Variants in PHF24 observed in about 807,000 individuals in gnomAD.
PHF24 encodes Galpha inhibitory interacting protein.
PHF24 carries 25 observed loss-of-function variants against 42.6 expected under a neutral mutation model. The observed-to-expected ratio is 0.59, with a 90% CI of 0.43 to 0.82. The LOEUF is 0.82. PHF24 is among the 40% of genes least tolerant of loss of function. PHF24 has a pLI of 0.00. For missense variants in PHF24, 470 were observed against 538.1 expected (o/e 0.87, Z 1.25); for synonymous variants, 185 against 204.8 (o/e 0.90, Z 0.83).
the PHF24 span, among the ~76,000 whole-genome samples, chr9:34,753,120 C>A: frequency 6.6e-6 from 1 of 152,244 alleles, no homozygotes; most frequent in South Asian, 2.1e-4. Flanking sequence ...AGATCTGGAA[C>A]ATGACAAAGA....
chr9:34,879,012 C>T, the PHF24 span, among the ~76,000 whole-genome samples: 1 of 152,160 alleles, frequency 6.6e-6, no homozygotes, highest in Non-Finnish European at 1.5e-5. Flanking sequence ...ATGAAGCTTC[C>T]AGAGGAAGGA....
chr9:34,780,855 A>T, the PHF24 span, among the ~76,000 whole-genome samples: 1 of 152,242 alleles, frequency 6.6e-6, no homozygotes, highest in African/African-American at 2.4e-5. Context: ...ACATGAAAAG[A>T]TGCTCAACAT....
At chr9:34,904,199 T>G in the PHF24 span, among the ~76,000 whole-genome samples, 3 of 152,200 alleles carry the variant, frequency 2.0e-5, no homozygotes, top group African/African-American at 7.2e-5. Flanking sequence ...TCTTTACTGA[T>G]TTGGATGCCC....
the PHF24 span, chr9:34,678,086 A>G: frequency 6.6e-6 from 1 of 152,156 alleles, no homozygotes; most frequent in East Asian, 1.9e-4. Flanking sequence ...GCTGCCGGCA[A>G]TATGTGCAGG....
chr9:34,716,326 A>T, the PHF24 span, among the ~76,000 whole-genome samples: 68 of 152,324 alleles, frequency 4.5e-4, no homozygotes, highest in African/African-American at 1.5e-3. Flanking sequence ...GGCTGGAATC[A>T]TGGTGATGTT....
At chr9:34,938,934 C>CAAAAAA in the PHF24 span, among the ~76,000 whole-genome samples, 1 of 63,422 alleles carries the variant, frequency 1.6e-5, no homozygotes, top group Admixed American at 2.0e-4. Flanking sequence ...GAGACTCCAT[C>CAAAAAA]AAAAAAAAAA....
At chr9:34,734,573 G>A in the PHF24 span, among the ~76,000 whole-genome samples, 1 of 152,160 alleles carries the variant, frequency 6.6e-6, no homozygotes, top group Non-Finnish European at 1.5e-5. Flanking sequence ...AAGTCCTGTC[G>A]TGAGGCCATA....
At chr9:34,729,106 A>C in the PHF24 span, among the ~76,000 whole-genome samples, 5 of 152,174 alleles carry the variant, frequency 3.3e-5, no homozygotes, top group African/African-American at 1.2e-4. Flanking sequence ...TTTCAATCAG[A>C]CTATGTTGCG....
At chr9:34,879,097 G>T in the PHF24 span, among the ~76,000 whole-genome samples, 1,995 of 152,306 alleles carry the variant, frequency 0.013, 32 homozygotes, top group South Asian at 0.049. Flanking sequence ...GGCAAACAGG[G>T]TCTGGAGTGG....
the PHF24 span, among the ~76,000 whole-genome samples, chr9:34,770,854 C>G: frequency 3.3e-5 from 5 of 152,052 alleles, no homozygotes; most frequent in African/African-American, 1.2e-4. Context: ...TGGCTCATAC[C>G]TATAATCCCA....
chr9:34,905,585 G>T, the PHF24 span, among the ~76,000 whole-genome samples: 5 of 152,144 alleles, frequency 3.3e-5, no homozygotes, highest in African/African-American at 4.8e-5. Flanking sequence ...GTAAAGGGGA[G>T]ATTATTTTTG....
the PHF24 span, among the ~76,000 whole-genome samples, chr9:34,745,890 T>G: frequency 2.6e-5 from 4 of 152,020 alleles, no homozygotes; most frequent in Non-Finnish European, 5.9e-5. Flanking sequence ...TGAAAGGCAT[T>G]GTAAAACCTC....
the PHF24 span, chr9:34,709,974 T>G: frequency 4.3e-6 from 7 of 1,614,034 alleles, no homozygotes; most frequent in South Asian, 5.5e-5. Flanking sequence ...CTTAGCCCCA[T>G]GCAAGGCCCC....
chr9:34,764,203 C>T, the PHF24 span, among the ~76,000 whole-genome samples: 1 of 152,224 alleles, frequency 6.6e-6, no homozygotes, highest in Non-Finnish European at 1.5e-5. Flanking sequence ...CAGGATGATG[C>T]TGGCCTCATA....
At chr9:34,894,114 G>A in the PHF24 span, among the ~76,000 whole-genome samples, 5 of 152,154 alleles carry the variant, frequency 3.3e-5, no homozygotes, top group African/African-American at 9.7e-5. Flanking sequence ...ACTTCTTTAC[G>A]CAAAATCCAT....
the PHF24 span, among the ~76,000 whole-genome samples, chr9:34,719,545 G>A: frequency 6.6e-6 from 1 of 152,200 alleles, no homozygotes; most frequent in Admixed American, 6.5e-5. Context: ...TCAGAATCCT[G>A]AAGGTATCAG....
chr9:34,979,197 G>C (rs1827308621), exon 8 of PHF24: 1 of 152,300 alleles, frequency 6.6e-6, no homozygotes, highest in Non-Finnish European at 1.5e-5. Flanking sequence ...CTGACAAACA[G>C]GATAAGAGGC....
chr9:34,708,019 C>T, the PHF24 span, among the ~76,000 whole-genome samples: 21 of 152,088 alleles, frequency 1.4e-4, no homozygotes, highest in African/African-American at 4.1e-4. Context: ...CCTGAGCCAC[C>T]GCGCCCGGCC....
chr9:34,959,059 C>G (rs563510336), intron 1 of PHF24, among the ~76,000 whole-genome samples: 55 of 152,216 alleles, frequency 3.6e-4, no homozygotes, highest in Non-Finnish European at 7.5e-4. Flanking sequence ...TCGGATTTTT[C>G]TTCTCCATGG....
Sources: allele counts gnomAD v4.1 joint callset (sites outside exome capture counted in the v4.1 genomes callset), GRCh38; gene constraint gnomAD v4.1.1; transcripts MANE v1.5; gene names NCBI Gene and HGNC (gene_info 2026-07-23, HGNC 2026-07-21).